Variants in DAB1 observed in about 807,000 individuals in gnomAD.
The protein encoded by DAB1 is disabled homolog 1.
DAB1 carries 15 observed loss-of-function variants against 64.6 expected under a neutral mutation model. The observed-to-expected ratio is 0.23, with a 90% CI of 0.16 to 0.36. DAB1 has a LOEUF of 0.36. DAB1 is among the 10% of genes least tolerant of loss of function. The pLI, the probability that DAB1 is intolerant of heterozygous loss-of-function variation, is 1.00. For missense variants in DAB1, 596 were observed against 706.7 expected (o/e 0.84, Z 1.78); for synonymous variants, 235 against 251.9 (o/e 0.93, Z 0.64).
At chr1:58,069,819 T>C (rs1374054536) in intron 5 of DAB1, among the ~76,000 whole-genome samples, 1 of 152,240 alleles carries the variant, frequency 6.6e-6, no homozygotes, top group Non-Finnish European at 1.5e-5. Flanking sequence ...GTACTAGATA[T>C]GTGGAGGGCT....
chr1:58,525,150 T>C (rs528637946), intron 2 of DAB1, among the ~76,000 whole-genome samples: 2 of 152,324 alleles, frequency 1.3e-5, no homozygotes, highest in East Asian at 3.9e-4. Context: ...TTGTGTTTTA[T>C]GGTAAAAAAT....
rs540506922 is a variant in DAB1 at position 57,125,189 on chromosome 1, A to G, written c.306+11354T>C. ...TACACATGTTCCGTATACATGCTCC[A>G]GGACCTGGGGTACACAGGCATCAAA... is the stretch of plus-strand genomic sequence containing the variant. On this transcript the variant is annotated intron_variant, in intron 4 of 14. Coordinates refer to ENST00000371236, the MANE Select transcript of DAB1 (RefSeq NM_001365792.1). Among the ~76,000 whole-genome samples the G allele has an allele frequency of 1.5e-3, 229 of 152,290 alleles. 1 individual carries two copies. The highest frequency in any genetic ancestry group is 4.9e-3 in the African/African-American group (203 of 41,552).
At chr1:57,010,942 G>T (rs1237858907) in intron 13 of DAB1, 152 bp from the exon 14 acceptor site, 1 of 881,578 alleles carries the variant, frequency 1.1e-6, no homozygotes, top group Non-Finnish European at 1.7e-6. Flanking sequence ...ATGTGGACTT[G>T]TAGTAACAAT....
chr1:58,334,412 T>C (rs1171803939), intron 4 of DAB1, among the ~76,000 whole-genome samples: 6 of 151,958 alleles, frequency 3.9e-5, no homozygotes, highest in Non-Finnish European at 8.8e-5. Context: ...TTGTTTATTA[T>C]TGCAACAAAA....
chr1:57,228,594 T>C (rs1667441248), intron 2 of DAB1, among the ~76,000 whole-genome samples: 1 of 152,206 alleles, frequency 6.6e-6, no homozygotes, highest in Non-Finnish European at 1.5e-5. Flanking sequence ...TATTGCTTTT[T>C]ACATGGAGCG....
chr1:57,294,820 A>G (rs1372483349), intron 1 of DAB1, among the ~76,000 whole-genome samples: 1 of 152,170 alleles, frequency 6.6e-6, no homozygotes, highest in African/African-American at 2.4e-5. Context: ...CTCCAACTTC[A>G]CTCAAAGCCC....
At chr1:57,460,748 G>A (rs1046498586) in intron 7 of DAB1, among the ~76,000 whole-genome samples, 2 of 151,946 alleles carry the variant, frequency 1.3e-5, no homozygotes, top group African/African-American at 2.4e-5. Flanking sequence ...AGGTACATTC[G>A]CCAGCCCTCG....
At chr1:57,808,319 T>TA (rs1651463820) in intron 6 of DAB1, among the ~76,000 whole-genome samples, 1 of 152,186 alleles carries the variant, frequency 6.6e-6, no homozygotes, top group African/African-American at 2.4e-5. Context: ...ATCTTAGCCC[T>TA]AGTCCACCCT....
At chr1:58,349,974 G>A (rs2100513983) in intron 3 of DAB1, among the ~76,000 whole-genome samples, 1 of 152,322 alleles carries the variant, frequency 6.6e-6, no homozygotes, top group Admixed American at 6.5e-5. Context: ...TATATACCCA[G>A]TAATGGGATT....
At chr1:58,209,772 T>A (rs893103294) in intron 4 of DAB1, among the ~76,000 whole-genome samples, 1 of 152,230 alleles carries the variant, frequency 6.6e-6, no homozygotes, top group Non-Finnish European at 1.5e-5. Context: ...TATATGGTAT[T>A]GTCCTTGGTG....
At chr1:57,248,285 G>T (rs1466525220) in intron 2 of DAB1, among the ~76,000 whole-genome samples, 1 of 151,338 alleles carries the variant, frequency 6.6e-6, no homozygotes, top group Non-Finnish European at 1.5e-5. Flanking sequence ...TTCAATCCAT[G>T]GTTGGTTGAA....
At chr1:58,382,455 C>A (rs1008891802) in intron 3 of DAB1, among the ~76,000 whole-genome samples, 3 of 152,228 alleles carry the variant, frequency 2.0e-5, no homozygotes, top group Non-Finnish European at 2.9e-5. Flanking sequence ...ACCCAGATGT[C>A]TCCAAGAGCT....
At chr1:57,287,844 G>C (rs999423870) in intron 2 of DAB1, among the ~76,000 whole-genome samples, 1 of 147,270 alleles carries the variant, frequency 6.8e-6, no homozygotes, top group Non-Finnish European at 1.5e-5. Flanking sequence ...CACCCAGGCT[G>C]GAGGGCAATG....
chr1:57,647,205 C>T (rs985149892), intron 7 of DAB1, among the ~76,000 whole-genome samples: 3 of 152,166 alleles, frequency 2.0e-5, no homozygotes, highest in Non-Finnish European at 2.9e-5. Context: ...TCTTCTTTAT[C>T]TCCACTGACA....
At chr1:57,152,685 A>T (rs1394946703) in intron 2 of DAB1, among the ~76,000 whole-genome samples, 1 of 152,264 alleles carries the variant, frequency 6.6e-6, no homozygotes, top group African/African-American at 2.4e-5. Flanking sequence ...TCTCCAAGTG[A>T]TAATTGTATA....
At chr1:58,020,229 A>G (rs1646796640) in intron 5 of DAB1, among the ~76,000 whole-genome samples, 1 of 152,196 alleles carries the variant, frequency 6.6e-6, no homozygotes, top group Non-Finnish European at 1.5e-5. Flanking sequence ...AAGCTAGGTT[A>G]CTTCACTTAA....
At chr1:58,493,216 GC>G (rs1190726494) in intron 3 of DAB1, among the ~76,000 whole-genome samples, 3 of 151,910 alleles carry the variant, frequency 2.0e-5, no homozygotes, top group African/African-American at 4.8e-5. Flanking sequence ...AAATTCAACA[GC>G]CCTTCATGCT....
At chr1:58,141,100 G>A (rs1226489433) in intron 5 of DAB1, among the ~76,000 whole-genome samples, 1 of 152,174 alleles carries the variant, frequency 6.6e-6, no homozygotes, top group Non-Finnish European at 1.5e-5. Context: ...GCAGGAGCAG[G>A]CATATCACAT....
intron 3 of DAB1, among the ~76,000 whole-genome samples, chr1:58,362,055 G>A (rs577815136): frequency 1.3e-5 from 2 of 151,838 alleles, no homozygotes; most frequent in African/African-American, 4.8e-5. Context: ...AGTAGAGATG[G>A]CGTTTCACCA....
Sources: gnomAD v4.1 joint callset for allele counts (sites outside exome capture counted in the v4.1 genomes callset) on GRCh38, gnomAD v4.1.1 for gene constraint, MANE v1.5 for transcripts, NCBI Gene and HGNC (gene_info 2026-07-23, HGNC 2026-07-21) for gene names.